Variants in TM7SF3 observed in about 807,000 individuals in gnomAD.
TM7SF3 encodes the protein seven span transmembrane protein.
A neutral mutation model predicts 65.5 loss-of-function variants in TM7SF3; 60 were observed. The ratio of observed to expected loss-of-function variants is 0.92; its 90% CI spans 0.74 to 1.14. TM7SF3 has a LOEUF of 1.14. TM7SF3 is among the 50% of genes most tolerant of loss of function. TM7SF3 has a pLI of 0.00. For missense variants in TM7SF3, 623 were observed against 684.8 expected, an observed-to-expected ratio of 0.91 and a Z score of 1.01; for synonymous variants, 264 against 259.6, an observed-to-expected ratio of 1.02 and a Z score of -0.16.
At chr12:27,005,579 A>G (rs1195139007) in intron 1 of TM7SF3, among the ~76,000 whole-genome samples, 1 of 152,212 alleles carries the variant, frequency 6.6e-6, no homozygotes, top group African/African-American at 2.4e-5. Context: ...GAAGCCATCA[A>G]CTAGAGAAGC....
intron 1 of TM7SF3, among the ~76,000 whole-genome samples, chr12:27,010,776 AG>A (rs913796654): frequency 6.6e-6 from 1 of 152,224 alleles, no homozygotes; most frequent in African/African-American, 2.4e-5. Flanking sequence ...GACCTATAGT[AG>A]GGACTTGAAA....
Position 26,973,948 on chromosome 12 carries a change from A to C in TM7SF3, c.*17T>G. ...TGAACTCCAAAGCTGAGGCACACTG[A>C]CCAAGCCCCTGGGCATCTACAGAAG... is the stretch of plus-strand genomic sequence containing the variant. On this transcript the variant is annotated 3_prime_UTR_variant, in exon 12 of 12. Transcript: ENST00000343028. The C allele has an allele frequency of 2.5e-6, 4 of 1,612,206 alleles. No homozygotes were observed. The highest frequency in any genetic ancestry group is 1.3e-5 in the African/African-American group (1 of 74,980).
intron 6 of TM7SF3, chr12:26,983,636 C>G: frequency 2.2e-6 from 1 of 446,624 alleles, no homozygotes; most frequent in Non-Finnish European, 4.5e-6. Flanking sequence ...ATTGTTAAGG[C>G]TGGATAATTG....
At position 26,977,476 on chromosome 12, in the gene TM7SF3, G is replaced by A. The variant is rs765503976; in HGVS notation, c.1190-1119C>T. 3.9e-5 allele frequency among the ~76,000 whole-genome samples: 6 copies of A among 152,312 alleles called. No individual in the cohort carries two copies. In the South Asian group the frequency reaches 8.3e-4, roughly 21 times the overall value. ...AAAAATATGGGTAGGCCTCTTGGCC[G>A]GGCATGGTGGCTCACGCCTGTAATC... On this transcript the variant is annotated intron_variant, in intron 9 of 11. Transcript: ENST00000343028.
intron 6 of TM7SF3, 60 bp from the exon 7 acceptor site, chr12:26,982,919 T>G: frequency 8.2e-7 from 1 of 1,217,902 alleles, no homozygotes. Flanking sequence ...GTATTAATAT[T>G]TATAGAACGA....
chr12:27,004,935 A>G (rs1192048968), intron 1 of TM7SF3, among the ~76,000 whole-genome samples: 1 of 152,218 alleles, frequency 6.6e-6, no homozygotes, highest in African/African-American at 2.4e-5. Flanking sequence ...AGGTTAAAAT[A>G]TTAAGGAATG....
chr12:26,972,845 T>A lies in TM7SF3; in HGVS notation c.*1120A>T, dbSNP rs1017513211. Among the ~76,000 whole-genome samples, 1 of 151,948 alleles carries A rather than the reference T, an allele frequency of 6.6e-6. No individual in the cohort carries two copies. Among genetic ancestry groups the A allele is most frequent in the East Asian group, 1.9e-4 (1 of 5,186 alleles). ...AATTAAAGATCACCTGTTGACACTA[T>A]TTGAAAAGGCCTTGAAAAAAAAAAG... is the stretch of plus-strand genomic sequence containing the variant. On this transcript the variant is annotated 3_prime_UTR_variant, in exon 12 of 12. Transcript: ENST00000343028.
At chr12:26,994,243 C>T (rs762557576) in intron 5 of TM7SF3, among the ~76,000 whole-genome samples, 1 of 152,156 alleles carries the variant, frequency 6.6e-6, no homozygotes, top group African/African-American at 2.4e-5. Context: ...AGAAAAACTC[C>T]ACCCATCAAC....
chr12:26,979,483 G>A (rs1939715953), intron 9 of TM7SF3: 1 of 298,132 alleles, frequency 3.4e-6, no homozygotes, highest in African/African-American at 2.2e-5. Flanking sequence ...GCTGCCATCA[G>A]AGCCTTTACC....
At position 26,982,758 on chromosome 12, in the gene TM7SF3, C is replaced by T; in HGVS notation, c.955+15G>A. Reference sequence around the variant, plus strand: ...GACTGCAAAATGGAAATAGCAACTACATTGGACATAATACCTGTTTTCCAG... The same window carrying T: ...GACTGCAAAATGGAAATAGCAACTATATTGGACATAATACCTGTTTTCCAG... On this transcript the variant is annotated intron_variant, in intron 7 of 11. Coordinates refer to ENST00000343028, the MANE Select transcript of TM7SF3 (RefSeq NM_016551.3). 1.3e-6 allele frequency: 2 copies of T among 1,588,086 alleles called. No individual in the cohort carries two copies. Among genetic ancestry groups the T allele is most frequent in the Non-Finnish European group, 1.7e-6 (2 of 1,165,364 alleles).
rs758685357 is a variant in TM7SF3 at position 26,975,627 on chromosome 12, G to C, written c.1319C>G (p.Ser440Cys). ...LNILTCGVIG[S>C]YSVVLAIDSY... is the part of the protein sequence containing the mutation. Reference sequence around the variant, plus strand: ...GTCAATGGCTAAAACCACCGAATAGGAGCCAATGACTCCACAAGTCAGTAT... The same window carrying C: ...GTCAATGGCTAAAACCACCGAATAGCAGCCAATGACTCCACAAGTCAGTAT... Residue 440 changes from serine (S) to cysteine (C), a missense_variant, in exon 11 of 12, where the codon TCC becomes TGC. Ser to Cys is a moderately radical substitution (Grantham distance 112). Transcript: ENST00000343028. 1.9e-6 allele frequency: 3 copies of C among 1,613,778 alleles called. 1 individual carries two copies. The highest frequency in any genetic ancestry group is 2.5e-6 in the Non-Finnish European group (3 of 1,179,958).
chr12:26,980,292 A>G lies in TM7SF3; in HGVS notation c.1036+274T>C, dbSNP rs11048793. On this transcript the variant is annotated intron_variant, in intron 8 of 11. Transcript: ENST00000343028. ...CAACATTTTGCTTGTTGTACATCTC[A>G]TATCTTCAACATATCACATAGCCAG... 99 of 530,438 alleles carry G rather than the reference A, an allele frequency of 1.9e-4. 1 individual carries two copies. The East Asian group carries it at 2.8e-3, about 15-fold the overall frequency. 32.9% of individuals were successfully genotyped at this position (530,438 alleles called of 1,614,324 possible). A position where few individuals can be genotyped will look rare whatever the true frequency, so the allele number is the denominator to read the frequency against.
In TM7SF3 at chr12:26,973,807, C is replaced by T; in HGVS notation, c.*158G>A. 5.5e-6 allele frequency: 5 copies of T among 913,982 alleles called. No individual in the cohort carries two copies. The highest frequency in any genetic ancestry group is 6.4e-6 in the Non-Finnish European group (4 of 627,676). The allele number at this position is 913,982 out of a possible 1,614,324, so 56.6% of individuals were successfully genotyped here. On this transcript the variant is annotated 3_prime_UTR_variant, in exon 12 of 12. Transcript: ENST00000343028. ...CATTCTCTTACAATCATCCTAATCC[C>T]CTAGTACACCCTTACCATATATCAA...
At position 27,004,663 on chromosome 12, in the gene TM7SF3, C is replaced by CA. The variant is rs1183623634; in HGVS notation, c.92-1274dup. On this transcript the variant is annotated intron_variant, in intron 1 of 11. Coordinates refer to ENST00000343028, the MANE Select transcript of TM7SF3 (RefSeq NM_016551.3). ...AATGAGTAGCCTGTGGAAGAACAGC[C>CA]AAAAAAAAGACACAAATAGTGTTAA... Among the ~76,000 whole-genome samples the CA allele has an allele frequency of 2.7e-5, 4 of 150,162 alleles. 1 individual carries two copies. The South Asian group carries it at 6.3e-4, about 24-fold the overall frequency.
At chr12:26,997,507 C>A (rs1940646510) in intron 3 of TM7SF3, among the ~76,000 whole-genome samples, 1 of 152,158 alleles carries the variant, frequency 6.6e-6, no homozygotes, top group Admixed American at 6.5e-5. Context: ...GTACACTGTC[C>A]TTGACGCAAG....
At chr12:26,980,671 GA>G (rs559125750) in intron 7 of TM7SF3, 25 bp from the exon 8 acceptor site, 3 of 1,324,376 alleles carry the variant, frequency 2.3e-6, no homozygotes, top group African/African-American at 1.5e-5. Flanking sequence ...ACCAGGAAAG[GA>G]AAAAAGCAAA....
intron 8 of TM7SF3, 113 bp from the exon 9 acceptor site, chr12:26,980,049 C>T: frequency 7.8e-7 from 1 of 1,281,000 alleles, no homozygotes; most frequent in Non-Finnish European, 1.1e-6. Context: ...AGGTCAGGCA[C>T]TGAGGGCTCT....
intron 9 of TM7SF3, chr12:26,978,153 G>A (rs538886120): frequency 7.6e-6 from 3 of 393,138 alleles, no homozygotes; most frequent in African/African-American, 2.1e-5. Flanking sequence ...TCACTCTAAC[G>A]GTCCTTGAGC....
At chr12:26,999,750 C>T in intron 2 of TM7SF3, 74 bp from the exon 3 acceptor site, 2 of 1,463,602 alleles carry the variant, frequency 1.4e-6, no homozygotes, top group South Asian at 2.5e-5. Flanking sequence ...ATCCAGTGTG[C>T]ATGTCCTATT....
Sources: gnomAD v4.1 joint callset for allele counts (sites outside exome capture counted in the v4.1 genomes callset) on GRCh38, gnomAD v4.1.1 for gene constraint, MANE v1.5 for transcripts, NCBI Gene and HGNC (gene_info 2026-07-23, HGNC 2026-07-21) for gene names.